The following PRMT8 variants were observed in gnomAD, a reference collection of about 807,000 sequenced individuals.
PRMT8 encodes the protein protein arginine N-methyltransferase 8.
A neutral mutation model predicts 47.1 loss-of-function variants in PRMT8; 7 were observed. The ratio of observed to expected loss-of-function variants is 0.15; its 90% CI spans 0.08 to 0.28. PRMT8 has a LOEUF of 0.28. Among genes scored for constraint, PRMT8 ranks in the 10% least tolerant of loss-of-function variants. The pLI is 1.00. For synonymous variants in PRMT8, 188 were observed against 186.5 expected (o/e 1.01, Z -0.07); for missense variants, 237 against 505.4 (o/e 0.47, Z 5.09).
Position 3,569,614 on chromosome 12 carries a change from G to A in PRMT8, c.712+50G>A. ...TGGACTTCCACTGCACAATTGGGGTGGGAGGCACTCCAGTGGGCCCGAGAT... is the reference window on the plus strand; with the variant it reads ...TGGACTTCCACTGCACAATTGGGGTAGGAGGCACTCCAGTGGGCCCGAGAT... On this transcript the variant is annotated intron_variant, in intron 6 of 9. Transcript: ENST00000382622. This position sits in a 1 kb window ranked among gnomAD's most constrained non-coding sequence, Gnocchi z 8.2. The A allele has an allele frequency of 6.7e-7, 1 of 1,494,108 alleles. No individual in the cohort carries two copies. Among genetic ancestry groups the A allele is most frequent in the East Asian group, 2.3e-5 (1 of 44,280 alleles). 92.6% of individuals were successfully genotyped at this position (1,494,108 alleles called of 1,614,324 possible).
intron 8 of PRMT8, among the ~76,000 whole-genome samples, chr12:3,586,320 G>A (rs1867172210): frequency 6.6e-6 from 1 of 152,160 alleles, no homozygotes; most frequent in Non-Finnish European, 1.5e-5. Context: ...GAGTGTTGAA[G>A]GCTCTAACCC....
At chr12:3,520,216 A>G (rs1240295990) in intron 1 of PRMT8, among the ~76,000 whole-genome samples, 2 of 152,234 alleles carry the variant, frequency 1.3e-5, no homozygotes, top group African/African-American at 4.8e-5. Flanking sequence ...AAATACAAAC[A>G]GTGCATCTCT....
At chr12:3,424,721 G>A (rs752253284) in intron 1 of PRMT8, among the ~76,000 whole-genome samples, 2 of 152,124 alleles carry the variant, frequency 1.3e-5, no homozygotes, top group Non-Finnish European at 2.9e-5. Context: ...TAGCATTAAA[G>A]AAATAATTTC....
chr12:3,552,645 G>C lies in PRMT8; in HGVS notation c.418-1006G>C, dbSNP rs996856689. ...TGGTTCTCCTGGGACCTGCACCCTGGCTGGAGTCGGCCTCCTTGGATGCAG... is the reference window on the plus strand; with the variant it reads ...TGGTTCTCCTGGGACCTGCACCCTGCCTGGAGTCGGCCTCCTTGGATGCAG... On this transcript the variant is annotated intron_variant, in intron 3 of 9. Coordinates refer to ENST00000382622, the MANE Select transcript of PRMT8 (RefSeq NM_019854.5). The surrounding 1 kb of genome is among the most constrained non-coding windows in gnomAD (Gnocchi z 4.5). 1 of 441,234 alleles carries C rather than the reference G, an allele frequency of 2.3e-6. No homozygotes were observed. The highest frequency in any genetic ancestry group is 2.0e-5 in the African/African-American group (1 of 49,796). 27.3% of individuals were successfully genotyped at this position (441,234 alleles called of 1,614,324 possible). A position where few individuals can be genotyped will look rare whatever the true frequency, so the allele number is the denominator to read the frequency against.
chr12:3,559,003 C>T (rs1866583561), intron 4 of PRMT8, among the ~76,000 whole-genome samples: 1 of 109,384 alleles, frequency 9.1e-6, no homozygotes, highest in Admixed American at 8.7e-5. Context: ...TCTATCTATC[C>T]TGTCTATCTA....
intron 1 of PRMT8, among the ~76,000 whole-genome samples, chr12:3,510,791 A>G (rs908401074): frequency 1.3e-5 from 2 of 152,112 alleles, no homozygotes; most frequent in Non-Finnish European, 2.9e-5. Flanking sequence ...AGAGGTCTTC[A>G]GGTCCACCTC....
chr12:3,468,942 C>T, intron 1 of PRMT8: 1 of 220,604 alleles, frequency 4.5e-6, no homozygotes, highest in Non-Finnish European at 8.9e-6. Context: ...CCAGTCCATG[C>T]CTCCAAGATG....
intron 1 of PRMT8, among the ~76,000 whole-genome samples, chr12:3,510,980 T>C (rs1865704649): frequency 6.6e-6 from 1 of 152,230 alleles, no homozygotes; most frequent in Non-Finnish European, 1.5e-5. Context: ...ATCCTGACCC[T>C]GCTGCAGAGA....
In PRMT8 at chr12:3,540,626, G is replaced by T; in HGVS notation, c.96G>T (p.Gln32His). The T allele has an allele frequency of 4.9e-6, 2 of 404,396 alleles. No individual in the cohort carries two copies. Among genetic ancestry groups the T allele is most frequent in the South Asian group, 2.8e-5 (1 of 36,334 alleles). 25.1% of individuals were successfully genotyped at this position (404,396 alleles called of 1,614,324 possible). ...ESTEVNSPPS[Q>H]PPQPVVPAKP... ...CTCAGGTGAACAGCCCCCCCTCCCA[G>T]CCCCCCCAGCCCGTCGTCCCTGCTA... The change falls in exon 2 of 10, where the codon CAG (glutamine) becomes CAT (histidine). Residue 32 changes from glutamine to histidine, a missense_variant. By Grantham distance (24) the Gln-to-His change is conservative. Coordinates refer to ENST00000382622, the MANE Select transcript of PRMT8 (RefSeq NM_019854.5).
intron 1 of PRMT8, among the ~76,000 whole-genome samples, chr12:3,533,046 T>TCTAA (rs1485600394): frequency 6.6e-6 from 1 of 152,122 alleles, no homozygotes; most frequent in East Asian, 1.9e-4. Flanking sequence ...AAGGCTTGAC[T>TCTAA]CTAAGGTAAG....
intron 1 of PRMT8, among the ~76,000 whole-genome samples, chr12:3,467,327 G>A (rs1158075923): frequency 1.3e-5 from 2 of 151,528 alleles, no homozygotes; most frequent in East Asian, 1.9e-4. Context: ...AGCAGCAGGT[G>A]TTTGGCCTGG....
At chr12:3,385,490 T>C (rs926531935) in intron 1 of PRMT8, among the ~76,000 whole-genome samples, 3 of 152,240 alleles carry the variant, frequency 2.0e-5, no homozygotes, top group Non-Finnish European at 4.4e-5. Flanking sequence ...ACTCCAGTTA[T>C]GTATGGCAGA....
chr12:3,461,253 C>G (rs941611040), intron 1 of PRMT8, among the ~76,000 whole-genome samples: 9 of 152,180 alleles, frequency 5.9e-5, no homozygotes, highest in African/African-American at 1.9e-4. Context: ...GCAGCTCTTA[C>G]AACCCTTGAT....
intron 1 of PRMT8, among the ~76,000 whole-genome samples, chr12:3,454,327 C>T (rs527445776): frequency 6.6e-6 from 1 of 152,322 alleles, no homozygotes; most frequent in East Asian, 1.9e-4. Flanking sequence ...CATCCCCGGC[C>T]AGGGTGTTGG....
At chr12:3,551,102 G>A (rs1331311341) in intron 3 of PRMT8, 2 of 112,986 alleles carry the variant, frequency 1.8e-5, no homozygotes, top group Non-Finnish European at 3.8e-5. Flanking sequence ...TGACTCCCAG[G>A]TTGACTAGAT....
Position 3,456,981 on chromosome 12 carries a change from A to G in PRMT8, c.48+75539A>G, listed in dbSNP as rs1428895023. Among the ~76,000 whole-genome samples the G allele has an allele frequency of 6.6e-6, 1 of 152,238 alleles. No homozygotes were observed. Among genetic ancestry groups the G allele is most frequent in the African/African-American group, 2.4e-5 (1 of 41,460 alleles). On this transcript the variant is annotated intron_variant, in intron 1 of 9. Coordinates refer to the PRMT8 transcript ENST00000452611. This position sits in a 1 kb window ranked among gnomAD's most constrained non-coding sequence, Gnocchi z 4.2. ...CTCGCTGACCTCGCCTGCCATGGCA[A>G]CTGTAAGGCTGGAGAAATAGAGTTC... is the stretch of plus-strand genomic sequence containing the variant.
rs768004700 is a variant in PRMT8 at position 3,491,294 on chromosome 12, C to A, written c.-332C>A. 89 of 1,065,504 alleles carry A rather than the reference C, an allele frequency of 8.4e-5. 1 individual carries two copies. Among genetic ancestry groups the A allele is most frequent in the Non-Finnish European group, 9.9e-5 (86 of 872,198 alleles). The allele number at this position is 1,065,504 out of a possible 1,614,324, so 66.0% of individuals were successfully genotyped here. On this transcript the variant is annotated 5_prime_UTR_variant, in exon 1 of 10. Transcript: ENST00000382622. ...CGAGCAGCCTGGAGAGGATCCGCGA[C>A]CGCCGCCGCCGCCGCCGCGGAGGCT...
chr12:3,460,099 G>A (rs1171157181), intron 1 of PRMT8, among the ~76,000 whole-genome samples: 3 of 152,140 alleles, frequency 2.0e-5, no homozygotes, highest in Non-Finnish European at 4.4e-5. Flanking sequence ...CTTAACATTG[G>A]AAGTTTCTTT....
rs566953717 is a variant in PRMT8, at chr12:3,414,410, C to T, written c.48+32968C>T. On this transcript the variant is annotated intron_variant, in intron 1 of 9. Transcript: ENST00000452611. Reference sequence around the variant, plus strand: ...CAATTCCGACACTATCTGAGATTCCCTTGACCTTGACACTCTTAGTGGTGG... The same window carrying T: ...CAATTCCGACACTATCTGAGATTCCTTTGACCTTGACACTCTTAGTGGTGG... Among the ~76,000 whole-genome samples the T allele has an allele frequency of 1.6e-4, 25 of 152,318 alleles. No individual in the cohort carries two copies. The South Asian group carries it at 5.2e-3, about 32-fold the overall frequency.
Sources: allele counts gnomAD v4.1 joint callset (sites outside exome capture counted in the v4.1 genomes callset), GRCh38; gene constraint gnomAD v4.1.1; non-coding constraint Gnocchi (gnomAD v3.1); transcripts MANE v1.5; gene names NCBI Gene and HGNC (gene_info 2026-07-23, HGNC 2026-07-21).